NAA38: variants seen among roughly 807,000 people sequenced by gnomAD.
NAA38 encodes N-alpha-acetyltransferase 38, NatC auxiliary subunit.
A neutral mutation model predicts 12.6 loss-of-function variants in NAA38; 15 were observed. That is an observed-to-expected ratio of 1.19 (90% CI 0.79 to 1.83). NAA38 has a LOEUF of 1.83. NAA38 is among the 40% of genes most tolerant of loss of function. The pLI, the probability that NAA38 is intolerant of heterozygous loss-of-function variation, is 0.00. For synonymous variants in NAA38, 88 were observed against 69.9 expected, an observed-to-expected ratio of 1.26 and a Z score of -1.29; for missense variants, 183 against 171.7, an observed-to-expected ratio of 1.07 and a Z score of -0.37.
At chr17:7,870,619 C>T (rs536533685) in intron 2 of NAA38, among the ~76,000 whole-genome samples, 2 of 152,182 alleles carry the variant, frequency 1.3e-5, no homozygotes, top group Admixed American at 1.3e-4. Context: ...CGGTGGCTCA[C>T]GCCTGTAATC....
chr17:7,867,489 C>T (rs1567816478), intron 2 of NAA38, among the ~76,000 whole-genome samples: 1 of 152,088 alleles, frequency 6.6e-6, no homozygotes, highest in Admixed American at 6.5e-5. Flanking sequence ...CAGGCGTGCA[C>T]CACCACACCC....
intron 2 of NAA38, among the ~76,000 whole-genome samples, chr17:7,867,672 T>C (rs766330655): frequency 6.6e-6 from 1 of 152,132 alleles, no homozygotes; most frequent in Non-Finnish European, 1.5e-5. Flanking sequence ...ATGATCAGAT[T>C]TGCATTTTCA....
At chr17:7,878,260 G>A (rs1014970759) in intron 2 of NAA38, among the ~76,000 whole-genome samples, 2 of 151,916 alleles carry the variant, frequency 1.3e-5, no homozygotes, top group African/African-American at 2.4e-5. Flanking sequence ...CTGATATATA[G>A]ATATGGCAAA....
intron 3 of NAA38, chr17:7,863,429 C>T (rs1966907605): frequency 6.6e-6 from 1 of 152,128 alleles, no homozygotes; most frequent in Non-Finnish European, 1.5e-5. Context: ...CAAGATTTCC[C>T]ACAGGTGAGG....
upstream of NAA38, chr17:7,860,147 C>CT (rs57736014): frequency 6.4e-3 from 944 of 147,174 alleles, 6 homozygotes; most frequent in South Asian, 0.022. Context: ...CATATACCCT[C>CT]TTTTTTTTTT....
At position 7,856,830 on chromosome 17, in the gene NAA38, G is replaced by A. The variant is rs368386651; in HGVS notation, c.279C>T (p.Ala93=). ...CCAGGCCCAGCACACGGGGCTCCCCGGCAGAGAAGGAATCTGGAAAGAAGG... is the reference window on the plus strand; with the variant it reads ...CCAGGCCCAGCACACGGGGCTCCCCAGCAGAGAAGGAATCTGGAAAGAAGG... ...EFLKPSDSFS[A]GEPRVLGLAM... The change falls in exon 3 of 3, where the codon GCC becomes GCT. Residue 93 remains alanine, a synonymous_variant. Transcript: ENST00000575771. 11 of 1,613,748 alleles carry A rather than the reference G, an allele frequency of 6.8e-6. No individual in the cohort carries two copies. Among genetic ancestry groups the A allele is most frequent in the Admixed American group, 1.7e-5 (1 of 60,026 alleles).
At chr17:7,867,346 T>G (rs761995747) in intron 2 of NAA38, among the ~76,000 whole-genome samples, 5 of 152,136 alleles carry the variant, frequency 3.3e-5, no homozygotes, top group Non-Finnish European at 7.4e-5. Context: ...TTATGTTTTG[T>G]TTTGTTTTTG....
chr17:7,867,409 G>A (rs1967007481), intron 2 of NAA38, among the ~76,000 whole-genome samples: 1 of 152,104 alleles, frequency 6.6e-6, no homozygotes. Flanking sequence ...CATGATCTCG[G>A]CTCACTGCAA....
chr17:7,882,539 G>C (rs1036146366), intron 2 of NAA38, among the ~76,000 whole-genome samples: 1 of 152,086 alleles, frequency 6.6e-6, no homozygotes, highest in African/African-American at 2.4e-5. Flanking sequence ...ATATAGAAAG[G>C]GGGGGATAAC....
At chr17:7,883,039 C>G (rs1213030597) in intron 2 of NAA38, among the ~76,000 whole-genome samples, 1 of 152,174 alleles carries the variant, frequency 6.6e-6, no homozygotes, top group Admixed American at 6.5e-5. Context: ...GAGCTATTTG[C>G]CCTCCTTCCT....
upstream of NAA38, chr17:7,860,495 T>C (rs989316309): frequency 6.6e-6 from 1 of 152,162 alleles, no homozygotes; most frequent in African/African-American, 2.4e-5. Flanking sequence ...GAAAGTTTAA[T>C]AGCTCAAAGC....
At chr17:7,864,325 A>G (rs937435513) in intron 3 of NAA38, 1 of 152,262 alleles carries the variant, frequency 6.6e-6, no homozygotes, top group African/African-American at 2.4e-5. Flanking sequence ...TGGTGAATGA[A>G]TAAGTGAAGT....
chr17:7,859,477 C>A (rs916561270), upstream of NAA38: 5 of 1,613,910 alleles, frequency 3.1e-6, no homozygotes, highest in Non-Finnish European at 4.2e-6. Flanking sequence ...AAGGGAAGAA[C>A]CTGAACATGG....
At chr17:7,873,846 A>T (rs1967128749) in intron 2 of NAA38, among the ~76,000 whole-genome samples, 1 of 152,232 alleles carries the variant, frequency 6.6e-6, no homozygotes, top group African/African-American at 2.4e-5. Flanking sequence ...TTATGATATT[A>T]AAATGAACAT....
intron 2 of NAA38, among the ~76,000 whole-genome samples, chr17:7,868,820 G>A (rs1967033880): frequency 6.6e-6 from 1 of 152,204 alleles, no homozygotes; most frequent in Non-Finnish European, 1.5e-5. Flanking sequence ...CCGTATCTGT[G>A]ACTAACATTC....
upstream of NAA38, chr17:7,859,795 T>G (rs1315981843): frequency 5.0e-6 from 3 of 596,070 alleles, no homozygotes; most frequent in South Asian, 6.0e-5. Context: ...CAGTTTGCTC[T>G]GAGAAAATTA....
intron 1 of NAA38, chr17:7,883,412 G>T (rs1218047550): frequency 1.3e-5 from 2 of 152,010 alleles, no homozygotes; most frequent in Non-Finnish European, 2.9e-5. Flanking sequence ...AAAATTTGTT[G>T]TTTACCCCCC....
At chr17:7,858,568 G>A (rs759572283), upstream of NAA38, 4 of 1,610,378 alleles carry the variant, frequency 2.5e-6, no homozygotes, top group Admixed American at 6.7e-5. Flanking sequence ...GAGCCTAATG[G>A]CTGCTCTGAC....
At chr17:7,869,373 T>C (rs1967044991) in intron 2 of NAA38, among the ~76,000 whole-genome samples, 2 of 152,156 alleles carry the variant, frequency 1.3e-5, no homozygotes, top group Non-Finnish European at 2.9e-5. Context: ...AACTTTATTA[T>C]TGACTCTGGG....
Sources: allele counts gnomAD v4.1 joint callset (sites outside exome capture counted in the v4.1 genomes callset), GRCh38; gene constraint gnomAD v4.1.1; transcripts MANE v1.5; gene names NCBI Gene and HGNC (gene_info 2026-07-23, HGNC 2026-07-21).